AK5: variants seen among roughly 807,000 people sequenced by gnomAD.
AK5 encodes the protein adenylate kinase isoenzyme 5.
AK5 carries 27 observed loss-of-function variants against 69.5 expected under a neutral mutation model. The observed-to-expected ratio is 0.39, with a 90% CI of 0.29 to 0.54. The LOEUF (loss-of-function observed/expected upper bound fraction) is 0.54. Among genes scored for constraint, AK5 ranks in the 20% least tolerant of loss-of-function variants. The pLI, the probability that AK5 is intolerant of heterozygous loss-of-function variation, is 0.71. For synonymous variants in AK5, 260 were observed against 244.4 expected, an observed-to-expected ratio of 1.06 and a Z score of -0.60; for missense variants, 531 against 700.4, an observed-to-expected ratio of 0.76 and a Z score of 2.73.
At chr1:77,341,190 C>T (rs927044835) in intron 6 of AK5, among the ~76,000 whole-genome samples, 19 of 152,162 alleles carry the variant, frequency 1.2e-4, no homozygotes, top group Non-Finnish European at 1.2e-4. Flanking sequence ...TGAAAGATGA[C>T]ACTGAATCAT....
At chr1:77,377,071 G>A (rs905620165) in intron 6 of AK5, among the ~76,000 whole-genome samples, 3 of 152,188 alleles carry the variant, frequency 2.0e-5, no homozygotes, top group Non-Finnish European at 2.9e-5. Context: ...CCAGCAGTAC[G>A]AAGCAGATCC....
chr1:77,521,798 A>G, intron 11 of AK5, 29 bp from the exon 12 acceptor site: 2 of 1,549,026 alleles, frequency 1.3e-6, no homozygotes, highest in South Asian at 1.1e-5. Context: ...GAAAGAGCTC[A>G]GGTCCTGACC....
chr1:77,483,519 C>T (rs559440248), intron 9 of AK5, among the ~76,000 whole-genome samples, 160 bp downstream of exon 9: 1 of 152,200 alleles, frequency 6.6e-6, no homozygotes, highest in East Asian at 1.9e-4. Context: ...TCTTTCCTGC[C>T]TCCATCCATG....
chr1:77,342,055 C>T (rs1252291347), intron 6 of AK5, among the ~76,000 whole-genome samples: 2 of 151,996 alleles, frequency 1.3e-5, no homozygotes, highest in East Asian at 1.9e-4. Context: ...CACACCACCA[C>T]GCCCAGCTAA....
At chr1:77,438,026 T>A (rs572336638) in intron 8 of AK5, among the ~76,000 whole-genome samples, 1 of 152,182 alleles carries the variant, frequency 6.6e-6, no homozygotes, top group Admixed American at 6.5e-5. Context: ...TAAATTAACA[T>A]TTCCAAAAGG....
At chr1:77,355,115 G>A (rs1209367938) in intron 6 of AK5, among the ~76,000 whole-genome samples, 1 of 152,076 alleles carries the variant, frequency 6.6e-6, no homozygotes, top group Non-Finnish European at 1.5e-5. Context: ...AAGATGATAT[G>A]GTCTCATACA....
At position 77,367,569 on chromosome 1, in the gene AK5, A is replaced by ATATGTTATATATATATATGT. The variant is rs1553139694; in HGVS notation, c.891+27004_891+27005insGTTATATATATATATGTTAT. The stretch of plus-strand genomic sequence containing the variant: ...ATTTATGTTATTTTTATATATATAT[A>ATATGTTATATATATATATGT]TATATATATAATATATATGTTATAT... On this transcript the variant is annotated intron_variant, in intron 6 of 13. Transcript: ENST00000354567. 8.2e-4 allele frequency among the ~76,000 whole-genome samples: 26 copies of ATATGTTATATATATATATGT among 31,642 alleles called. 1 individual carries two copies. The highest frequency in any genetic ancestry group is 2.4e-3 in the African/African-American group (25 of 10,538). 20.8% of individuals were successfully genotyped at this position (31,642 alleles called of 152,430 possible).
chr1:77,362,654 C>T (rs1199462413), intron 6 of AK5, among the ~76,000 whole-genome samples: 1 of 152,116 alleles, frequency 6.6e-6, no homozygotes, highest in South Asian at 2.1e-4. Flanking sequence ...CATGAATGCA[C>T]AGAAGAAATA....
At chr1:77,383,330 AC>A (rs1490462386) in intron 6 of AK5, among the ~76,000 whole-genome samples, 1 of 152,220 alleles carries the variant, frequency 6.6e-6, no homozygotes, top group Non-Finnish European at 1.5e-5. Flanking sequence ...GATTCCTGCC[AC>A]TGTGAGAAGT....
At chr1:77,308,424 G>A (rs887933207) in intron 5 of AK5, among the ~76,000 whole-genome samples, 1 of 135,272 alleles carries the variant, frequency 7.4e-6, no homozygotes, top group Admixed American at 8.2e-5. Flanking sequence ...GGGCGACAGC[G>A]AGACTCTGTC....
chr1:77,449,268 G>A (rs1337437849), intron 8 of AK5, among the ~76,000 whole-genome samples: 5 of 152,224 alleles, frequency 3.3e-5, no homozygotes, highest in African/African-American at 9.6e-5. Flanking sequence ...AGCTGCCCAA[G>A]ACCATGGGAA....
chr1:77,540,694 G>A (rs1299832116), intron 13 of AK5: 1 of 152,216 alleles, frequency 6.6e-6, no homozygotes, highest in Non-Finnish European at 1.5e-5. Context: ...ACTTCGGTGA[G>A]TCATTTTACT....
At chr1:77,333,638 A>G (rs1373546279) in intron 5 of AK5, among the ~76,000 whole-genome samples, 35 of 151,716 alleles carry the variant, frequency 2.3e-4, no homozygotes, top group Admixed American at 2.3e-3. Flanking sequence ...CCATGTGCCA[A>G]GTCCTACTGG....
intron 6 of AK5, among the ~76,000 whole-genome samples, chr1:77,362,120 A>G (rs753724584): frequency 6.6e-6 from 1 of 152,206 alleles, no homozygotes; most frequent in Non-Finnish European, 1.5e-5. Context: ...CCAGGTTCTT[A>G]GGAAATAAAT....
intron 5 of AK5, among the ~76,000 whole-genome samples, chr1:77,299,086 A>G (rs1022929994): frequency 6.6e-6 from 1 of 152,098 alleles, no homozygotes; most frequent in Non-Finnish European, 1.5e-5. Context: ...TGACTTTTCC[A>G]AGTTATATCA....
chr1:77,357,258 T>A (rs1024206666), intron 6 of AK5, among the ~76,000 whole-genome samples: 1 of 151,324 alleles, frequency 6.6e-6, no homozygotes, highest in South Asian at 2.1e-4. Context: ...ATCCAAGGGC[T>A]GACTTTGAAG....
Position 77,391,380 on chromosome 1 carries a change from C to CAA in AK5, c.892-19591_892-19590dup, listed in dbSNP as rs201607684. On this transcript the variant is annotated intron_variant, in intron 6 of 13. Transcript: ENST00000354567. ...TATTTGTCTGTCTCAGTACTTTATGCAAAAAAAAAAATATATATATATATA... is the reference window on the plus strand; with the variant it reads ...TATTTGTCTGTCTCAGTACTTTATGCAAAAAAAAAAAAATATATATATATATA... Among the ~76,000 whole-genome samples, 660 of 116,410 alleles carry CAA rather than the reference C, an allele frequency of 5.7e-3. 6 individuals carry two copies. Among genetic ancestry groups the CAA allele is most frequent in the African/African-American group, 0.012 (343 of 28,396 alleles). 76.4% of individuals were successfully genotyped at this position (116,410 alleles called of 152,430 possible). A position where few individuals can be genotyped will look rare whatever the true frequency, so the allele number is the denominator to read the frequency against.
chr1:77,433,522 A>G (rs1423710154), intron 8 of AK5, among the ~76,000 whole-genome samples: 1 of 149,348 alleles, frequency 6.7e-6, no homozygotes, highest in Non-Finnish European at 1.5e-5. Context: ...GATAAAACCA[A>G]TGTTTCCACT....
At chr1:77,469,412 G>C (rs981969957) in intron 8 of AK5, among the ~76,000 whole-genome samples, 1 of 152,188 alleles carries the variant, frequency 6.6e-6, no homozygotes, top group Non-Finnish European at 1.5e-5. Context: ...CAAAATTGAG[G>C]TTTCCCAGAG....
Sources: allele counts gnomAD v4.1 joint callset (sites outside exome capture counted in the v4.1 genomes callset), GRCh38; gene constraint gnomAD v4.1.1; transcripts MANE v1.5; gene names NCBI Gene and HGNC (gene_info 2026-07-23, HGNC 2026-07-21).